Variants in LSM4 observed in about 807,000 individuals in gnomAD.
The protein encoded by LSM4 is U6 snRNA-associated Sm-like protein LSm4.
In LSM4, 15 loss-of-function variants were observed where a neutral mutation model predicts 22.3. The ratio of observed to expected loss-of-function variants is 0.67; its 90% CI spans 0.45 to 1.03. LSM4 has a LOEUF of 1.03. LSM4 is among the 50% of genes least tolerant of loss of function. LSM4 has a pLI of 0.00. For synonymous variants in LSM4, 90 were observed against 79.8 expected, an observed-to-expected ratio of 1.13 and a Z score of -0.68; for missense variants, 127 against 198.0, an observed-to-expected ratio of 0.64 and a Z score of 2.15.
At chr19:18,315,375 T>C (rs556767369) in intron 2 of LSM4, among the ~76,000 whole-genome samples, 2 of 152,014 alleles carry the variant, frequency 1.3e-5, no homozygotes, top group South Asian at 2.1e-4. Flanking sequence ...GTCTCTGAAC[T>C]CCTGGGCTGA....
intron 1 of LSM4, among the ~76,000 whole-genome samples, chr19:18,318,361 G>A (rs1970382655): frequency 6.6e-6 from 1 of 152,192 alleles, no homozygotes; most frequent in African/African-American, 2.4e-5. Flanking sequence ...AGGAAGCCAG[G>A]CCCAAGCCCA....
At chr19:18,312,884 G>C (rs1970313994) in intron 2 of LSM4, among the ~76,000 whole-genome samples, 182 bp from the exon 3 acceptor site, 1 of 152,176 alleles carries the variant, frequency 6.6e-6, no homozygotes, top group Non-Finnish European at 1.5e-5. Context: ...CACTTCGCTG[G>C]CAGTTAGACA....
At chr19:18,316,903 G>A (rs1406679406) in intron 1 of LSM4, among the ~76,000 whole-genome samples, 1 of 152,184 alleles carries the variant, frequency 6.6e-6, no homozygotes, top group Non-Finnish European at 1.5e-5. Context: ...TCCCATCAGA[G>A]AAGGCCACAT....
chr19:18,309,991 TC>T, intron 3 of LSM4, 130 bp from the exon 4 acceptor site: 1 of 831,002 alleles, frequency 1.2e-6, no homozygotes, highest in Non-Finnish European at 1.9e-6. Context: ...ACAGTATCAG[TC>T]CCGGGACATA....
At position 18,307,424 on chromosome 19, in the gene LSM4, C is replaced by T; in HGVS notation, c.*40G>A. 1.4e-6 allele frequency: 2 copies of T among 1,463,150 alleles called. No individual in the cohort carries two copies. The highest frequency in any genetic ancestry group is 1.3e-5 in the South Asian group (1 of 75,460). 90.6% of individuals were successfully genotyped at this position (1,463,150 alleles called of 1,614,324 possible). A position where few individuals can be genotyped will look rare whatever the true frequency, so the allele number is the denominator to read the frequency against. ...CGAGACTGTGGAGCGGAATCGCCAC[C>T]CTGGCAGGAGGGGGCGCAGCAGCCG... On this transcript the variant is annotated 3_prime_UTR_variant, in exon 5 of 5. Transcript: ENST00000593829.
rs2232964 is a variant in LSM4, at chr19:18,322,888, G to A, written c.3+130C>T. 7,951 of 1,335,100 alleles carry A rather than the reference G, an allele frequency of 6.0e-3. 391 individuals carry two copies. The African/African-American group carries it at 0.1, about 17-fold the overall frequency. 82.7% of individuals were successfully genotyped at this position (1,335,100 alleles called of 1,614,324 possible). A position where few individuals can be genotyped will look rare whatever the true frequency, so the allele number is the denominator to read the frequency against. On this transcript the variant is annotated intron_variant, in intron 1 of 4. Transcript: ENST00000593829. Reference sequence around the variant, plus strand: ...GCCTCAGTTTCCCAGCCTCGTGCCGGGGGGCGGGACTCGAGGCTCGGACCT... The same window carrying A: ...GCCTCAGTTTCCCAGCCTCGTGCCGAGGGGCGGGACTCGAGGCTCGGACCT...
At chr19:18,313,775 C>T (rs957286295) in intron 2 of LSM4, among the ~76,000 whole-genome samples, 3 of 152,228 alleles carry the variant, frequency 2.0e-5, no homozygotes, top group South Asian at 2.1e-4. Context: ...CTTGGCCTCC[C>T]GGGGTGCTGG....
chr19:18,319,999 T>C (rs923947670), intron 1 of LSM4, among the ~76,000 whole-genome samples: 8 of 152,098 alleles, frequency 5.3e-5, no homozygotes, highest in Non-Finnish European at 8.8e-5. Context: ...CAGGGAGGCA[T>C]GCAGGGAAGG....
intron 3 of LSM4, 37 bp downstream of exon 3, chr19:18,312,567 C>T (rs775033838): frequency 3.2e-6 from 5 of 1,561,398 alleles, no homozygotes; most frequent in Non-Finnish European, 4.4e-6. Context: ...GTGTGCACCC[C>T]CTGCATCCCA....
intron 1 of LSM4, among the ~76,000 whole-genome samples, chr19:18,318,519 C>T (rs929325723): frequency 1.3e-5 from 2 of 152,264 alleles, no homozygotes; most frequent in African/African-American, 4.8e-5. Context: ...AGAGAAAACA[C>T]AGGAGCCACA....
At chr19:18,314,259 G>C (rs920098769) in intron 2 of LSM4, among the ~76,000 whole-genome samples, 2 of 151,978 alleles carry the variant, frequency 1.3e-5, no homozygotes, top group African/African-American at 4.8e-5. Context: ...CCGGGCGTGA[G>C]CCTGTAATCC....
rs1408640523 is a variant in LSM4, at chr19:18,323,024, G to A, written c.-4C>T. 5 of 1,563,946 alleles carry A rather than the reference G, an allele frequency of 3.2e-6. No homozygotes were observed. The Admixed American group carries it at 7.3e-5, about 23-fold the overall frequency. The stretch of plus-strand genomic sequence containing the variant: ...GCAGTTGCCCTGCCCTCACCATGGT[G>A]CCGGCGGGGACCGGGCTCGCCGGCC... On this transcript the variant is annotated 5_prime_UTR_variant, in exon 1 of 5. Transcript: ENST00000593829.
chr19:18,313,913 G>A (rs556409095), intron 2 of LSM4, among the ~76,000 whole-genome samples: 41 of 152,178 alleles, frequency 2.7e-4, no homozygotes, highest in African/African-American at 9.6e-4. Context: ...TCTGCCTCCC[G>A]GGTTCAAGTG....
chr19:18,308,357 C>A (rs1970257138), intron 4 of LSM4, among the ~76,000 whole-genome samples: 1 of 152,234 alleles, frequency 6.6e-6, no homozygotes, highest in African/African-American at 2.4e-5. Context: ...CAACATTGAT[C>A]CCTCCCTCTC....
chr19:18,312,749 C>A, intron 2 of LSM4, 47 bp from the exon 3 acceptor site: 1 of 1,399,198 alleles, frequency 7.1e-7, no homozygotes, highest in South Asian at 1.2e-5. Flanking sequence ...TGGAGCCCTG[C>A]GCCATGGGCC....
In LSM4 at chr19:18,310,672, G is replaced by A. The variant is rs117559278; in HGVS notation, c.145-811C>T. Among the ~76,000 whole-genome samples the A allele has an allele frequency of 3.3e-5, 5 of 152,224 alleles. No homozygotes were observed. The East Asian group carries it at 9.7e-4, about 30-fold the overall frequency. ...CGCCCAGGTTCCTGGACAGACCCAC[G>A]CACGACGCCTGGATGGCCTTTGCCC... On this transcript the variant is annotated intron_variant, in intron 3 of 4. Transcript: ENST00000593829.
In LSM4 at chr19:18,323,053, TCCG is replaced by T. The variant is rs1328720078; in HGVS notation, c.-36_-34del. Reference sequence around the variant, plus strand: ...GCGGGGACCGGGCTCGCCGGCCACTTCCGCCGCCGCCGCTGCACACGCTCCCGG... The same window carrying T: ...GCGGGGACCGGGCTCGCCGGCCACTTCCGCCGCCGCTGCACACGCTCCCGG... On this transcript the variant is annotated 5_prime_UTR_variant, in exon 1 of 5. Coordinates refer to ENST00000593829, the MANE Select transcript of LSM4 (RefSeq NM_012321.5). The T allele has an allele frequency of 8.5e-6, 13 of 1,523,050 alleles. No homozygotes were observed. The highest frequency in any genetic ancestry group is 4.2e-5 in the Admixed American group (2 of 47,942). The allele number at this position is 1,523,050 out of a possible 1,614,324, so 94.3% of individuals were successfully genotyped here.
In LSM4 at chr19:18,311,482, C is replaced by T. The variant is rs979771579; in HGVS notation, c.144+1122G>A. On this transcript the variant is annotated intron_variant, in intron 3 of 4. Coordinates refer to ENST00000593829, the MANE Select transcript of LSM4 (RefSeq NM_012321.5). ...CCAACCCCTGGAGACCACGCAGCCT[C>T]TGAATCAACAGGCTTCTCATGTCTA... Among the ~76,000 whole-genome samples the T allele has an allele frequency of 2.3e-4, 35 of 152,216 alleles. 1 individual carries two copies. Among genetic ancestry groups the T allele is most frequent in the African/African-American group, 7.5e-4 (31 of 41,454 alleles).
rs540292204 is a variant in LSM4, at chr19:18,309,415, C to A, written c.328+263G>T. The stretch of plus-strand genomic sequence containing the variant: ...GCCTGGACAGATGGGCACCACCATA[C>A]CCTCTCAGAGGGGAAACTGAGGCTT... On this transcript the variant is annotated intron_variant, in intron 4 of 4. Transcript: ENST00000593829. The A allele has an allele frequency of 6.1e-5, 32 of 522,796 alleles. No individual in the cohort carries two copies. In the Admixed American group the frequency reaches 6.1e-4, roughly 10 times the overall value. The allele number at this position is 522,796 out of a possible 1,614,324, so 32.4% of individuals were successfully genotyped here.
Sources: gnomAD v4.1 joint callset for allele counts (sites outside exome capture counted in the v4.1 genomes callset) on GRCh38, gnomAD v4.1.1 for gene constraint, MANE v1.5 for transcripts, NCBI Gene and HGNC (gene_info 2026-07-23, HGNC 2026-07-21) for gene names.